KIF6: variants seen among roughly 807,000 people sequenced by gnomAD.
KIF6 encodes kinesin family member 6, also known as kinesin-like protein KIF6.
KIF6 carries 106 observed loss-of-function variants against 112.7 expected under a neutral mutation model. That is an observed-to-expected ratio of 0.94 (90% CI 0.80 to 1.11). The LOEUF is 1.11. KIF6 is among the 50% of genes least tolerant of loss of function. The pLI is 0.00. For missense variants in KIF6, 929 were observed against 964.0 expected, an observed-to-expected ratio of 0.96 and a Z score of 0.48; for synonymous variants, 339 against 339.9, an observed-to-expected ratio of 1.00 and a Z score of 0.03.
intron 13 of KIF6, among the ~76,000 whole-genome samples, chr6:39,507,472 AT>A (rs929500845): frequency 9.9e-5 from 15 of 151,778 alleles, no homozygotes; most frequent in African/African-American, 3.6e-4. Context: ...TAATCTGGTA[AT>A]TTTTTTTGGA....
chr6:39,495,997 G>A (rs1019140205), intron 13 of KIF6, among the ~76,000 whole-genome samples: 5 of 152,224 alleles, frequency 3.3e-5, no homozygotes, highest in Non-Finnish European at 7.3e-5. Flanking sequence ...TCAGGCTGCT[G>A]TGGTCTGGAG....
chr6:39,608,563 G>A (rs1783021639), intron 6 of KIF6, among the ~76,000 whole-genome samples: 1 of 152,152 alleles, frequency 6.6e-6, no homozygotes, highest in Non-Finnish European at 1.5e-5. Context: ...GTTGGGGAGT[G>A]TCTGTATGTC....
chr6:39,696,562 T>C (rs1788550886), intron 3 of KIF6, among the ~76,000 whole-genome samples: 1 of 152,088 alleles, frequency 6.6e-6, no homozygotes, highest in South Asian at 2.1e-4. Flanking sequence ...TGACTTTAAG[T>C]CACTATTGTC....
At chr6:39,617,595 T>A (rs1241536120) in intron 5 of KIF6, 6 of 391,174 alleles carry the variant, frequency 1.5e-5, no homozygotes, top group Non-Finnish European at 2.7e-5. Flanking sequence ...GCTATTCACA[T>A]CATGGGTTTG....
chr6:39,681,695 C>G (rs1787527329), intron 3 of KIF6, among the ~76,000 whole-genome samples: 1 of 152,172 alleles, frequency 6.6e-6, no homozygotes, highest in African/African-American at 2.4e-5. Flanking sequence ...AGTCAGAACT[C>G]TTCCCTTCCC....
chr6:39,564,134 G>A (rs1407612478), intron 10 of KIF6, among the ~76,000 whole-genome samples: 1 of 152,204 alleles, frequency 6.6e-6, no homozygotes, highest in Non-Finnish European at 1.5e-5. Flanking sequence ...GATCTGGAAA[G>A]CACACTGATG....
At chr6:39,708,440 A>T (rs1410521395) in intron 3 of KIF6, among the ~76,000 whole-genome samples, 1 of 152,168 alleles carries the variant, frequency 6.6e-6, no homozygotes, top group Admixed American at 6.5e-5. Context: ...ATAATGACTA[A>T]TAGCTTTCCA....
intron 13 of KIF6, among the ~76,000 whole-genome samples, chr6:39,478,173 T>C (rs1401549258): frequency 6.6e-6 from 1 of 152,016 alleles, no homozygotes; most frequent in Non-Finnish European, 1.5e-5. Flanking sequence ...ACTCAATTTG[T>C]AGTATTTTAT....
At chr6:39,475,449 G>C (rs1335444533) in intron 13 of KIF6, among the ~76,000 whole-genome samples, 1 of 152,176 alleles carries the variant, frequency 6.6e-6, no homozygotes, top group African/African-American at 2.4e-5. Flanking sequence ...CATCAACAGG[G>C]CTATTTGAAA....
chr6:39,458,274 A>G (rs1773270608), intron 13 of KIF6, among the ~76,000 whole-genome samples: 1 of 151,008 alleles, frequency 6.6e-6, no homozygotes, highest in African/African-American at 2.4e-5. Context: ...CAAAAACCAC[A>G]TGATTATCTC....
At chr6:39,460,451 C>A (rs1216741452) in intron 13 of KIF6, among the ~76,000 whole-genome samples, 1 of 132,708 alleles carries the variant, frequency 7.5e-6, no homozygotes, top group Non-Finnish European at 1.6e-5. Context: ...GTGTAGCGCA[C>A]CAGCATGGCA....
chr6:39,504,056 A>G (rs1776294945), intron 13 of KIF6, among the ~76,000 whole-genome samples: 1 of 152,120 alleles, frequency 6.6e-6, no homozygotes, highest in African/African-American at 2.4e-5. Context: ...ACAACAAAAA[A>G]AGAAAACTTC....
At chr6:39,524,926 T>A (rs774566233) in intron 13 of KIF6, among the ~76,000 whole-genome samples, 1 of 152,174 alleles carries the variant, frequency 6.6e-6, no homozygotes, top group Non-Finnish European at 1.5e-5. Flanking sequence ...GCAAAGTAAT[T>A]TGGGGATGCA....
chr6:39,626,112 T>G (rs1784079507), intron 5 of KIF6, among the ~76,000 whole-genome samples: 1 of 152,122 alleles, frequency 6.6e-6, no homozygotes, highest in South Asian at 2.1e-4. Flanking sequence ...TGGAGCCTAC[T>G]CCAGTCTTCT....
intron 6 of KIF6, among the ~76,000 whole-genome samples, chr6:39,604,628 T>C (rs1782782529): frequency 6.6e-6 from 1 of 152,164 alleles, no homozygotes; most frequent in African/African-American, 2.4e-5. Flanking sequence ...ATCCAGCATG[T>C]TGTCAAAGTA....
intron 5 of KIF6, among the ~76,000 whole-genome samples, chr6:39,626,038 C>T (rs182368192): frequency 5.8e-4 from 88 of 152,092 alleles, no homozygotes; most frequent in African/African-American, 1.7e-3. Flanking sequence ...CAAAAAGCAG[C>T]GGGCACATGA....
In KIF6 at chr6:39,362,525, A is replaced by C; in HGVS notation, c.1862-7T>G. 3 of 1,602,878 alleles carry C rather than the reference A, an allele frequency of 1.9e-6. No individual in the cohort carries two copies. Among genetic ancestry groups the C allele is most frequent in the Non-Finnish European group, 2.6e-6 (3 of 1,169,724 alleles). ...GCCATGTTTTCCGAGATTCCTGTAG[A>C]AGGAAGGTGCCAATGGGATGGTGAG... On this transcript the variant is annotated splice_region_variant and splice_polypyrimidine_tract_variant and intron_variant, in intron 16 of 22. Transcript: ENST00000287152.
At chr6:39,577,976 T>A (rs1281490357) in intron 10 of KIF6, 80 bp downstream of exon 10, 3 of 959,878 alleles carry the variant, frequency 3.1e-6, no homozygotes, top group Non-Finnish European at 3.3e-6. Context: ...TTGAGGTGAA[T>A]TCATAACATT....
chr6:39,417,625 T>C (rs1233768580), intron 15 of KIF6, among the ~76,000 whole-genome samples: 1 of 152,138 alleles, frequency 6.6e-6, no homozygotes, highest in African/African-American at 2.4e-5. Flanking sequence ...CCTGTGCAGA[T>C]TTTAAGGCAG....
Sources: allele counts gnomAD v4.1 joint callset (sites outside exome capture counted in the v4.1 genomes callset), GRCh38; gene constraint gnomAD v4.1.1; transcripts MANE v1.5; gene names NCBI Gene and HGNC (gene_info 2026-07-23, HGNC 2026-07-21).